Variants in ARHGAP17 observed in about 807,000 individuals in gnomAD.
ARHGAP17 encodes the protein rho GTPase-activating protein 17.
A neutral mutation model predicts 99.5 loss-of-function variants in ARHGAP17; 57 were observed. The ratio of observed to expected loss-of-function variants is 0.57; its 90% CI spans 0.46 to 0.71. ARHGAP17 has a LOEUF of 0.71. ARHGAP17 is among the 30% of genes least tolerant of loss of function. ARHGAP17 has a pLI of 0.00. For missense variants in ARHGAP17, 1,000 were observed against 1,122.4 expected (o/e 0.89, Z 1.56); for synonymous variants, 417 against 429.6 (o/e 0.97, Z 0.36).
At chr16:24,991,455 C>T (rs1379037673) in intron 1 of ARHGAP17, among the ~76,000 whole-genome samples, 3 of 152,086 alleles carry the variant, frequency 2.0e-5, no homozygotes, top group Non-Finnish European at 4.4e-5. Context: ...TGGAAGAAGT[C>T]ACAGTCGAGC....
chr16:24,960,429 T>C (rs1328915180), intron 7 of ARHGAP17, among the ~76,000 whole-genome samples: 5 of 151,724 alleles, frequency 3.3e-5, no homozygotes, highest in Admixed American at 6.6e-5. Flanking sequence ...GCTGTAATCC[T>C]AGCTACTCGG....
intron 1 of ARHGAP17, among the ~76,000 whole-genome samples, chr16:24,999,193 C>T (rs1190991546): frequency 3.3e-5 from 5 of 152,270 alleles, no homozygotes; most frequent in Non-Finnish European, 7.4e-5. Flanking sequence ...TCCTGGTCAT[C>T]GGTATTTCAT....
intron 14 of ARHGAP17, 47 bp downstream of exon 14, chr16:24,947,435 C>A (rs1308025996): frequency 6.7e-7 from 1 of 1,485,380 alleles, no homozygotes; most frequent in Admixed American, 1.7e-5. Context: ...TGCATCCCAT[C>A]AGGTGGGAAA....
chr16:25,009,266 C>T (rs1311504594), intron 1 of ARHGAP17, among the ~76,000 whole-genome samples: 1 of 151,366 alleles, frequency 6.6e-6, no homozygotes, highest in East Asian at 2.0e-4. Flanking sequence ...ACTCGGGAGG[C>T]TGAGGAAGGA....
intron 1 of ARHGAP17, among the ~76,000 whole-genome samples, chr16:24,986,095 C>T (rs1366427636): frequency 1.3e-5 from 2 of 152,190 alleles, no homozygotes; most frequent in African/African-American, 2.4e-5. Flanking sequence ...ACATCACAAA[C>T]GGTTCCTCCA....
intron 16 of ARHGAP17, among the ~76,000 whole-genome samples, chr16:24,940,161 T>G (rs539334857): frequency 6.6e-6 from 1 of 152,276 alleles, no homozygotes; most frequent in East Asian, 1.9e-4. Flanking sequence ...TGGCCTCAAG[T>G]ATTCCTCCTG....
chr16:24,983,862 A>G (rs562595725), intron 1 of ARHGAP17, among the ~76,000 whole-genome samples: 64 of 152,174 alleles, frequency 4.2e-4, no homozygotes, highest in Non-Finnish European at 7.8e-4. Flanking sequence ...CAGGATCTTT[A>G]ATTTACTTTT....
At chr16:24,961,518 ATTT>A (rs1171754361) in intron 7 of ARHGAP17, among the ~76,000 whole-genome samples, 7 of 81,492 alleles carry the variant, frequency 8.6e-5, no homozygotes, top group African/African-American at 2.0e-4. Context: ...AAAAAAAAAA[ATTT>A]TTTTTTTTTT....
At chr16:25,009,382 G>T (rs1351653774) in intron 1 of ARHGAP17, among the ~76,000 whole-genome samples, 1 of 151,124 alleles carries the variant, frequency 6.6e-6, no homozygotes, top group Non-Finnish European at 1.5e-5. Flanking sequence ...AAAAAAAAAG[G>T]GTGGGGGGAA....
intron 1 of ARHGAP17, among the ~76,000 whole-genome samples, chr16:24,982,980 A>ATT (rs1254177400): frequency 1.8e-4 from 3 of 16,874 alleles, no homozygotes; most frequent in African/African-American, 7.0e-4. Flanking sequence ...ATATATATAT[A>ATT]TATATATATA....
intron 17 of ARHGAP17, among the ~76,000 whole-genome samples, chr16:24,937,060 T>C (rs2051159889): frequency 6.7e-6 from 1 of 149,198 alleles, no homozygotes. Flanking sequence ...AAGGCTGTAG[T>C]GAGCCATGAT....
At chr16:24,959,180 C>T (rs1444624686) in intron 9 of ARHGAP17, among the ~76,000 whole-genome samples, 3 of 152,148 alleles carry the variant, frequency 2.0e-5, no homozygotes, top group South Asian at 2.1e-4. Context: ...GGAGTCTGAA[C>T]GAAGCGACCA....
intron 1 of ARHGAP17, among the ~76,000 whole-genome samples, chr16:25,008,376 C>T (rs1414349950): frequency 1.3e-5 from 2 of 152,132 alleles, no homozygotes; most frequent in Non-Finnish European, 2.9e-5. Context: ...ACAATATATG[C>T]ATATTATTAC....
intron 1 of ARHGAP17, among the ~76,000 whole-genome samples, chr16:24,995,111 A>G (rs1312258148): frequency 6.6e-6 from 1 of 152,164 alleles, no homozygotes. Flanking sequence ...CTCACTCAGT[A>G]TTACTAGAAC....
chr16:24,978,580 T>C lies in ARHGAP17; in HGVS notation c.93+386A>G, dbSNP rs565381676. Among the ~76,000 whole-genome samples, 535 of 152,286 alleles carry C rather than the reference T, an allele frequency of 3.5e-3. 4 individuals are homozygous for C. The highest frequency in any genetic ancestry group is 0.012 in the African/African-American group (499 of 41,542). ...GTAATAATAATAGATCACTAATATC[T>C]AGCACTTACCACGTGCCAGGCTCCG... On this transcript the variant is annotated intron_variant, in intron 2 of 19. Transcript: ENST00000289968.
chr16:24,928,580 T>A (rs955696821), intron 19 of ARHGAP17, among the ~76,000 whole-genome samples: 2 of 152,138 alleles, frequency 1.3e-5, no homozygotes, highest in African/African-American at 4.8e-5. Flanking sequence ...AAGCATGAAA[T>A]TGTGGAATCG....
At chr16:25,015,130 G>A (rs2053750393) in intron 1 of ARHGAP17, 79 bp downstream of exon 1, 3 of 1,187,068 alleles carry the variant, frequency 2.5e-6, no homozygotes, top group Non-Finnish European at 3.1e-6. Context: ...CCGGACCGCG[G>A]AGGAGCCGTC....
rs1567253261 is a variant in ARHGAP17, at chr16:24,985,191, CA to C, written c.54-6187del. Among the ~76,000 whole-genome samples, 3 of 42,210 alleles carry C rather than the reference CA, an allele frequency of 7.1e-5. No homozygotes were observed. In the African/African-American group the frequency reaches 7.6e-4, roughly 11 times the overall value. 27.7% of individuals were successfully genotyped at this position (42,210 alleles called of 152,430 possible). On this transcript the variant is annotated intron_variant, in intron 1 of 19. Transcript: ENST00000289968. ...ACTGACTATCCTAAATGCAACCCCA[CA>C]CACACACACACACACTAAATAATAT...
rs1457427987 is a variant in ARHGAP17, at chr16:24,971,568, T to TCAAGG, written c.199-989_199-988insCCTTG. Among the ~76,000 whole-genome samples, 70 of 152,188 alleles carry TCAAGG rather than the reference T, an allele frequency of 4.6e-4. 2 individuals are homozygous for TCAAGG. The highest frequency in any genetic ancestry group is 3.3e-4 in the Admixed American group (5 of 15,276). ...GTCTCAAACTCTTGACCTCAAGTGA[T>TCAAGG]CTGCCCTCCTCAGCCTCCCAAAGTT... On this transcript the variant is annotated intron_variant, in intron 3 of 19. Coordinates refer to ENST00000289968, the MANE Select transcript of ARHGAP17 (RefSeq NM_001006634.3).
Sources: allele counts gnomAD v4.1 joint callset (sites outside exome capture counted in the v4.1 genomes callset), GRCh38; gene constraint gnomAD v4.1.1; transcripts MANE v1.5; gene names NCBI Gene and HGNC (gene_info 2026-07-23, HGNC 2026-07-21).